The following SRBD1 variants were observed in gnomAD, a reference collection of about 807,000 sequenced individuals.
The protein encoded by SRBD1 is S1 RNA binding domain 1.
A neutral mutation model predicts 115.3 loss-of-function variants in SRBD1; 88 were observed. The observed-to-expected ratio is 0.76, with a 90% CI of 0.64 to 0.91. The LOEUF (loss-of-function observed/expected upper bound fraction) is 0.91. Among genes scored for constraint, SRBD1 ranks in the 40% least tolerant of loss-of-function variants. SRBD1 has a pLI of 0.00. For synonymous variants in SRBD1, 509 were observed against 407.7 expected (o/e 1.25, Z -2.99); for missense variants, 1,385 against 1,177.4 (o/e 1.18, Z -2.58).
At position 45,588,729 on chromosome 2, in the gene SRBD1, T is replaced by G. The variant is rs187313611; in HGVS notation, c.649-2955A>C. 1.2e-4 allele frequency among the ~76,000 whole-genome samples: 18 copies of G among 152,318 alleles called. No individual in the cohort carries two copies. The East Asian group carries it at 3.5e-3, about 29-fold the overall frequency. On this transcript the variant is annotated intron_variant, in intron 4 of 20. Transcript: ENST00000263736. The stretch of plus-strand genomic sequence containing the variant: ...AGCCCAATCAGCATAAAGTTAAGAT[T>G]TGGGCTGGAACTTCCTCTGAAGAAA...
chr2:45,440,911 C>A (rs1419563467), intron 16 of SRBD1, among the ~76,000 whole-genome samples: 1 of 151,964 alleles, frequency 6.6e-6, no homozygotes, highest in Non-Finnish European at 1.5e-5. Flanking sequence ...TTTGAGGAGA[C>A]AGAGGTTGGA....
At chr2:45,581,133 A>T (rs1257543949) in intron 6 of SRBD1, among the ~76,000 whole-genome samples, 1 of 152,072 alleles carries the variant, frequency 6.6e-6, no homozygotes, top group East Asian at 1.9e-4. Flanking sequence ...ATTCTGCCAA[A>T]CTTCTCTGCT....
At chr2:45,501,153 C>T (rs1316786415) in intron 14 of SRBD1, among the ~76,000 whole-genome samples, 1 of 152,064 alleles carries the variant, frequency 6.6e-6, no homozygotes, top group East Asian at 1.9e-4. Context: ...TGGTTTTTGT[C>T]CTTGATTCTG....
chr2:45,548,013 G>C (rs1476049083), intron 12 of SRBD1, among the ~76,000 whole-genome samples: 1 of 151,482 alleles, frequency 6.6e-6, no homozygotes, highest in African/African-American at 2.4e-5. Flanking sequence ...GCATATTTAA[G>C]ACTTATGAGC....
chr2:45,400,166 G>C (rs1036787732), intron 19 of SRBD1, among the ~76,000 whole-genome samples: 2 of 152,122 alleles, frequency 1.3e-5, no homozygotes, highest in African/African-American at 4.8e-5. Context: ...TCCATTTAAA[G>C]AGTATGCAAC....
At chr2:45,391,406 T>C (rs1034372571) in intron 20 of SRBD1, among the ~76,000 whole-genome samples, 1 of 152,114 alleles carries the variant, frequency 6.6e-6, no homozygotes, top group African/African-American at 2.4e-5. Context: ...GAATGAGGCA[T>C]TAAGAAAGGA....
chr2:45,407,509 G>A (rs1267882648), intron 19 of SRBD1, among the ~76,000 whole-genome samples: 1 of 152,034 alleles, frequency 6.6e-6, no homozygotes, highest in South Asian at 2.1e-4. Context: ...TCCTCCCCAA[G>A]GAGTTATTAG....
In SRBD1 at chr2:45,516,350, A is replaced by C. The variant is rs553599460; in HGVS notation, c.1875-28019T>G. Reference sequence around the variant, plus strand: ...TGTGCTTAATGGTACCCCTGCCCCCACAAAAATCCACATTCTGAAAAAGTA... The same window carrying C: ...TGTGCTTAATGGTACCCCTGCCCCCCCAAAAATCCACATTCTGAAAAAGTA... On this transcript the variant is annotated intron_variant, in intron 14 of 20. Coordinates refer to ENST00000263736, the MANE Select transcript of SRBD1 (RefSeq NM_018079.5). Among the ~76,000 whole-genome samples the C allele has an allele frequency of 3.3e-5, 5 of 152,318 alleles. No individual in the cohort carries two copies. In the East Asian group the frequency reaches 9.6e-4, roughly 29 times the overall value.
intron 16 of SRBD1, among the ~76,000 whole-genome samples, chr2:45,428,558 AT>A (rs200678942): frequency 9.1e-5 from 11 of 120,766 alleles, no homozygotes; most frequent in African/African-American, 2.1e-4. Context: ...TCTCAAAAAA[AT>A]AAATAAATAA....
intron 19 of SRBD1, among the ~76,000 whole-genome samples, chr2:45,404,687 C>T (rs1353347160): frequency 6.6e-6 from 1 of 152,130 alleles, no homozygotes; most frequent in Non-Finnish European, 1.5e-5. Context: ...CCTGCTTCTA[C>T]CACTGCCCCT....
intron 14 of SRBD1, among the ~76,000 whole-genome samples, chr2:45,542,822 A>G (rs983243832): frequency 1.3e-5 from 2 of 152,234 alleles, no homozygotes; most frequent in Admixed American, 6.5e-5. Context: ...AGGTGATTGA[A>G]TAAACTAATT....
intron 4 of SRBD1, among the ~76,000 whole-genome samples, chr2:45,594,508 A>T (rs1673831867): frequency 6.6e-6 from 1 of 152,212 alleles, no homozygotes; most frequent in South Asian, 2.1e-4. Flanking sequence ...TCTGCAAAAT[A>T]ACTTTAACAA....
chr2:45,588,847 T>A (rs1162193905), intron 4 of SRBD1, among the ~76,000 whole-genome samples: 1 of 152,230 alleles, frequency 6.6e-6, no homozygotes, highest in Non-Finnish European at 1.5e-5. Context: ...TTCAGTGAAC[T>A]GACCAAAAAT....
In SRBD1 at chr2:45,479,418, T is replaced by G. The variant is rs142046175; in HGVS notation, c.1967-2343A>C. Among the ~76,000 whole-genome samples, 527 of 152,236 alleles carry G rather than the reference T, an allele frequency of 3.5e-3. 2 individuals are homozygous for G. The highest frequency in any genetic ancestry group is 0.012 in the African/African-American group (502 of 41,534). Reference sequence around the variant, plus strand: ...AAGAGTTCTTGAAGGAAATTAAAAGTGTGACTCCAGTGGACACACAAATGA... The same window carrying G: ...AAGAGTTCTTGAAGGAAATTAAAAGGGTGACTCCAGTGGACACACAAATGA... On this transcript the variant is annotated intron_variant, in intron 15 of 20. Coordinates refer to ENST00000263736, the MANE Select transcript of SRBD1 (RefSeq NM_018079.5).
At chr2:45,580,063 G>A in intron 6 of SRBD1, 50 bp from the exon 7 acceptor site, 1 of 1,413,314 alleles carries the variant, frequency 7.1e-7, no homozygotes, top group Non-Finnish European at 9.4e-7. Flanking sequence ...AAAAACAAAA[G>A]TTAAAACTAG....
At chr2:45,483,333 C>T (rs1387976430) in intron 15 of SRBD1, among the ~76,000 whole-genome samples, 1 of 151,964 alleles carries the variant, frequency 6.6e-6, no homozygotes, top group Admixed American at 6.6e-5. Flanking sequence ...ATTTGACACA[C>T]CAAAAGTTGG....
chr2:45,553,537 C>T (rs970694651), intron 11 of SRBD1, 86 bp downstream of exon 11: 2 of 853,410 alleles, frequency 2.3e-6, no homozygotes, highest in African/African-American at 1.7e-5. Context: ...GTTAATCAAT[C>T]AACAAACATT....
chr2:45,487,787 G>A (rs1336978550), intron 15 of SRBD1, among the ~76,000 whole-genome samples: 2 of 152,020 alleles, frequency 1.3e-5, no homozygotes, highest in Non-Finnish European at 2.9e-5. Context: ...CCGAGTAGCT[G>A]GGATTACAGG....
At chr2:45,446,327 A>G (rs1016597634) in intron 16 of SRBD1, among the ~76,000 whole-genome samples, 1 of 152,174 alleles carries the variant, frequency 6.6e-6, no homozygotes, top group Non-Finnish European at 1.5e-5. Context: ...TGGAACTGCA[A>G]GTCTTGAGAC....
Sources: gnomAD v4.1 joint callset for allele counts (sites outside exome capture counted in the v4.1 genomes callset) on GRCh38, gnomAD v4.1.1 for gene constraint, MANE v1.5 for transcripts, NCBI Gene and HGNC (gene_info 2026-07-23, HGNC 2026-07-21) for gene names.